IQCK: variants seen among roughly 807,000 people sequenced by gnomAD.
The protein encoded by IQCK is IQ domain-containing protein K.
A neutral mutation model predicts 28.1 loss-of-function variants in IQCK; 29 were observed. The observed-to-expected ratio is 1.03, with a 90% confidence interval of 0.77 to 1.41. IQCK has a LOEUF of 1.41. Among genes scored for constraint, IQCK ranks in the 40% most tolerant of loss-of-function variants. The probability of loss-of-function intolerance (pLI) is 0.00; values close to 1 mark genes in which losing one functional copy is unlikely to be tolerated. For missense variants in IQCK, 359 were observed against 314.7 expected (o/e 1.14, Z -1.07); for synonymous variants, 113 against 115.1 (o/e 0.98, Z 0.12).
chr16:19,805,046 G>C (rs553978221), intron 7 of IQCK, among the ~76,000 whole-genome samples: 1 of 152,226 alleles, frequency 6.6e-6, no homozygotes, highest in South Asian at 2.1e-4. Flanking sequence ...TTCCAGGAAG[G>C]GGGGTGGGGG....
chr16:19,782,608 A>G (rs2055502978), intron 6 of IQCK, among the ~76,000 whole-genome samples: 1 of 152,042 alleles, frequency 6.6e-6, no homozygotes, highest in Admixed American at 6.6e-5. Context: ...AGCCTGGGTG[A>G]CAGAGCAAGA....
intron 4 of IQCK, among the ~76,000 whole-genome samples, chr16:19,749,279 G>A (rs2054953898): frequency 6.6e-6 from 1 of 152,218 alleles, no homozygotes; most frequent in Non-Finnish European, 1.5e-5. Context: ...TCATCTGTCA[G>A]TTATTCATAA....
chr16:19,847,672 A>G (rs1020703720), intron 9 of IQCK, among the ~76,000 whole-genome samples: 11 of 152,152 alleles, frequency 7.2e-5, no homozygotes, highest in African/African-American at 2.6e-4. Flanking sequence ...TTGATCTTGT[A>G]TTGTCGTGTT....
intron 9 of IQCK, among the ~76,000 whole-genome samples, chr16:19,852,301 G>A (rs1403729915): frequency 6.6e-6 from 1 of 152,058 alleles, no homozygotes; most frequent in African/African-American, 2.4e-5. Context: ...AAAAACATTT[G>A]TGGAGGATCG....
intron 4 of IQCK, among the ~76,000 whole-genome samples, chr16:19,741,612 T>G (rs2054835982): frequency 6.6e-6 from 1 of 152,300 alleles, no homozygotes; most frequent in Non-Finnish European, 1.5e-5. Context: ...TGTCAGATGC[T>G]CCAGGGTGCT....
chr16:19,769,349 C>G (rs2055286271), intron 6 of IQCK, among the ~76,000 whole-genome samples: 1 of 152,212 alleles, frequency 6.6e-6, no homozygotes, highest in Non-Finnish European at 1.5e-5. Flanking sequence ...ATGTCTGTCT[C>G]TAAGCCTCCA....
intron 3 of IQCK, 197 bp downstream of exon 3, chr16:19,734,024 A>G: frequency 3.9e-6 from 2 of 513,752 alleles, no homozygotes; most frequent in East Asian, 6.7e-5. Context: ...TAAAGATAAT[A>G]AGTAACAAAA....
chr16:19,765,559 G>A (rs2055222172), intron 6 of IQCK, among the ~76,000 whole-genome samples: 1 of 151,826 alleles, frequency 6.6e-6, no homozygotes, highest in African/African-American at 2.4e-5. Context: ...TTAGACTCTC[G>A]GCTCTCAGTT....
At chr16:19,742,666 A>C (rs1039160413) in intron 4 of IQCK, among the ~76,000 whole-genome samples, 5 of 152,222 alleles carry the variant, frequency 3.3e-5, no homozygotes, top group Non-Finnish European at 7.3e-5. Flanking sequence ...ATGCCATTCA[A>C]ATTATATCTT....
intron 7 of IQCK, among the ~76,000 whole-genome samples, chr16:19,817,479 C>A (rs1350869504): frequency 6.6e-6 from 1 of 152,068 alleles, no homozygotes; most frequent in Non-Finnish European, 1.5e-5. Flanking sequence ...AATAGCAGTC[C>A]TCACTTCAAA....
chr16:19,814,162 G>T (rs1207269340), intron 7 of IQCK, among the ~76,000 whole-genome samples: 2 of 147,632 alleles, frequency 1.4e-5, no homozygotes, highest in Non-Finnish European at 1.5e-5. Flanking sequence ...GGAGGTTGCA[G>T]TGAGCCGAGA....
intron 4 of IQCK, among the ~76,000 whole-genome samples, chr16:19,755,091 T>C (rs1402482622): frequency 6.6e-6 from 1 of 152,222 alleles, no homozygotes; most frequent in Non-Finnish European, 1.5e-5. Flanking sequence ...ATAGGCCAAG[T>C]GTATGCTTAT....
intron 4 of IQCK, among the ~76,000 whole-genome samples, chr16:19,758,178 T>A (rs1202091284): frequency 6.6e-6 from 1 of 152,146 alleles, no homozygotes; most frequent in African/African-American, 2.4e-5. Flanking sequence ...TTTCTTTCTC[T>A]CCTACTTCCT....
intron 1 of IQCK, among the ~76,000 whole-genome samples, chr16:19,726,104 C>T (rs190634071): frequency 4.6e-4 from 70 of 151,856 alleles, no homozygotes; most frequent in African/African-American, 1.4e-3. Flanking sequence ...TTAGTAGAGA[C>T]GGGGTTTCAT....
chr16:19,831,233 C>T (rs1198948482), downstream of IQCK, among the ~76,000 whole-genome samples: 1 of 152,218 alleles, frequency 6.6e-6, no homozygotes, highest in Non-Finnish European at 1.5e-5. Flanking sequence ...TCAGACCCAG[C>T]TTCTCAGGAA....
intron 9 of IQCK, among the ~76,000 whole-genome samples, chr16:19,844,006 T>C (rs1387936714): frequency 2.0e-5 from 3 of 152,186 alleles, no homozygotes; most frequent in Non-Finnish European, 2.9e-5. Flanking sequence ...ATTTGAATTG[T>C]TTCCACTTTT....
intron 9 of IQCK, among the ~76,000 whole-genome samples, chr16:19,839,735 C>G (rs759219565): frequency 3.3e-5 from 5 of 152,114 alleles, no homozygotes; most frequent in African/African-American, 4.8e-5. Context: ...GTGGCTCACA[C>G]CTGTAATCCC....
At chr16:19,830,791 A>AC (rs1227076646), downstream of IQCK, among the ~76,000 whole-genome samples, 1 of 152,178 alleles carries the variant, frequency 6.6e-6, no homozygotes, top group African/African-American at 2.4e-5. Flanking sequence ...GCAAAATGGG[A>AC]CTAGTAATAA....
intron 7 of IQCK, among the ~76,000 whole-genome samples, chr16:19,826,761 T>C (rs1016124511): frequency 7.2e-5 from 11 of 152,242 alleles, no homozygotes; most frequent in Non-Finnish European, 1.6e-4. Context: ...AAGTTACAAA[T>C]GTGGTGGCTG....
Sources: gnomAD v4.1 joint callset for allele counts (sites outside exome capture counted in the v4.1 genomes callset) on GRCh38, gnomAD v4.1.1 for gene constraint, MANE v1.5 for transcripts, NCBI Gene and HGNC (gene_info 2026-07-23, HGNC 2026-07-21) for gene names.